Variants in DNAH3 observed in about 807,000 individuals in gnomAD.
DNAH3 encodes the protein axonemal beta dynein heavy chain 3.
Under a neutral mutation model 432.5 loss-of-function variants are expected in DNAH3, and 332 were observed. The observed-to-expected ratio is 0.77, with a 90% CI of 0.70 to 0.84. The LOEUF is 0.84. Among genes scored for constraint, DNAH3 ranks in the 40% least tolerant of loss-of-function variants. The pLI is 0.00. For synonymous variants in DNAH3, 1,956 were observed against 1,900.2 expected (o/e 1.03, Z -0.76); for missense variants, 4,861 against 5,114.0 (o/e 0.95, Z 1.51).
At chr16:21,025,875 G>A (rs113834717) in intron 38 of DNAH3, among the ~76,000 whole-genome samples, 32 of 151,840 alleles carry the variant, frequency 2.1e-4, no homozygotes, top group African/African-American at 6.5e-4. Flanking sequence ...CTGGGATTAC[G>A]GGCACCCACC....
At chr16:21,152,045 G>C (rs1391577273) in intron 1 of DNAH3, among the ~76,000 whole-genome samples, 1 of 152,038 alleles carries the variant, frequency 6.6e-6, no homozygotes, top group Non-Finnish European at 1.5e-5. Context: ...GACCAGCTTG[G>C]CCAACATAGT....
At chr16:20,964,792 T>C (rs2084979130) in exon 53 of DNAH3, 1 of 1,614,134 alleles carries the variant, frequency 6.2e-7, no homozygotes, top group Non-Finnish European at 8.5e-7. Context: ...AGGGATGACC[T>C]TGTCCTTACA....
intron 1 of DNAH3, among the ~76,000 whole-genome samples, chr16:21,156,162 CTTATTTTATTTTATTTTATTTTATT>C (rs150133557): frequency 6.9e-6 from 1 of 144,632 alleles, no homozygotes; most frequent in Non-Finnish European, 1.5e-5. Flanking sequence ...GGGAGTTATT[CTTATTTTATTTTATTTTATTTTATT>C]TTATTTTATT....
chr16:21,067,755 C>G (rs936587154), intron 23 of DNAH3, among the ~76,000 whole-genome samples: 6 of 18,060 alleles, frequency 3.3e-4, no homozygotes, highest in Admixed American at 1.8e-3. Flanking sequence ...GAAAGCCAGT[C>G]TTGGGGGGGG....
intron 1 of DNAH3, among the ~76,000 whole-genome samples, chr16:21,152,580 T>TGCAG (rs1567884862): frequency 6.6e-6 from 1 of 152,250 alleles, no homozygotes; most frequent in Non-Finnish European, 1.5e-5. Context: ...TCCCTCAGCT[T>TGCAG]GCAGGCAGGT....
At position 21,151,903 on chromosome 16, in the gene DNAH3, C is replaced by T. The variant is rs569989136; in HGVS notation, c.118-5815G>A. Among the ~76,000 whole-genome samples the T allele has an allele frequency of 3.3e-5, 5 of 152,044 alleles. No individual in the cohort carries two copies. In the South Asian group the frequency reaches 1.0e-3, roughly 32 times the overall value. Reference sequence around the variant, plus strand: ...TTTTTTCATTCAATTTCCCCCCAAACACCACGATATTCCCATTTTAAGGAT... The same window carrying T: ...TTTTTTCATTCAATTTCCCCCCAAATACCACGATATTCCCATTTTAAGGAT... On this transcript the variant is annotated intron_variant, in intron 1 of 61. Transcript: ENST00000261383.
chr16:21,098,170 T>G (rs577674408), intron 17 of DNAH3, among the ~76,000 whole-genome samples: 3 of 152,154 alleles, frequency 2.0e-5, no homozygotes, highest in Admixed American at 6.6e-5. Context: ...GAGCCAGGTG[T>G]GGTGGCTCAT....
chr16:20,992,918 C>T (rs1243689441), intron 44 of DNAH3, among the ~76,000 whole-genome samples: 5 of 152,038 alleles, frequency 3.3e-5, no homozygotes, highest in African/African-American at 9.7e-5. Flanking sequence ...CAGGCTGGAG[C>T]GTAGTGGTGT....
At chr16:21,147,064 C>T (rs61477876) in intron 1 of DNAH3, among the ~76,000 whole-genome samples, 2,725 of 152,022 alleles carry the variant, frequency 0.018, 81 homozygotes, top group African/African-American at 0.062. Context: ...CCGGCCCCTG[C>T]TTCATTTTTT....
chr16:20,993,617 A>G (rs1221633187), intron 44 of DNAH3, among the ~76,000 whole-genome samples: 1 of 152,154 alleles, frequency 6.6e-6, no homozygotes, highest in Non-Finnish European at 1.5e-5. Context: ...AAAACACTTA[A>G]AGTTGATCTA....
chr16:21,115,830 A>C (rs1201531628), intron 12 of DNAH3, among the ~76,000 whole-genome samples: 1 of 152,210 alleles, frequency 6.6e-6, no homozygotes, highest in East Asian at 1.9e-4. Context: ...CAGAGGTTTC[A>C]AATAGAATCT....
chr16:20,978,741 G>GT (rs2085716055), intron 50 of DNAH3, among the ~76,000 whole-genome samples: 1 of 152,048 alleles, frequency 6.6e-6, no homozygotes, highest in Non-Finnish European at 1.5e-5. Context: ...GGGTCTTGCT[G>GT]TGTTTCCCAG....
At chr16:21,041,903 C>T (rs1469024587) in intron 32 of DNAH3, 124 bp downstream of exon 32, 1 of 1,063,770 alleles carries the variant, frequency 9.4e-7, no homozygotes, top group Admixed American at 2.0e-5. Context: ...GAGCTCCTGA[C>T]CTCAGGTGAT....
At chr16:21,057,301 G>T (rs1229878536) in intron 27 of DNAH3, among the ~76,000 whole-genome samples, 1 of 152,128 alleles carries the variant, frequency 6.6e-6, no homozygotes, top group Non-Finnish European at 1.5e-5. Flanking sequence ...AATATTTATT[G>T]ATCATCTACT....
chr16:21,102,877 CTT>C (rs550772745), intron 16 of DNAH3, among the ~76,000 whole-genome samples: 57 of 135,198 alleles, frequency 4.2e-4, no homozygotes, highest in South Asian at 1.7e-3. Flanking sequence ...GACTATTATT[CTT>C]TTTTTTTTTT....
chr16:20,987,875 A>G (rs766561059), intron 45 of DNAH3, 26 bp from the exon 46 acceptor site: 14 of 1,614,088 alleles, frequency 8.7e-6, no homozygotes, highest in Non-Finnish European at 1.2e-5. Flanking sequence ...ATGGCACAGT[A>G]GTCAAGGAGG....
intron 1 of DNAH3, among the ~76,000 whole-genome samples, chr16:21,152,816 G>A (rs991410436): frequency 9.2e-5 from 14 of 152,246 alleles, no homozygotes; most frequent in Non-Finnish European, 1.3e-4. Context: ...TTCTCACCGG[G>A]CCTTAGCTGC....
chr16:21,000,316 T>A, exon 43 of DNAH3: 1 of 1,614,168 alleles, frequency 6.2e-7, no homozygotes, highest in Non-Finnish European at 8.5e-7. Context: ...CTGGGTCTGA[T>A]TGGCTGAGGT....
At chr16:21,126,542 T>C (rs2092450047) in intron 8 of DNAH3, among the ~76,000 whole-genome samples, 1 of 152,238 alleles carries the variant, frequency 6.6e-6, no homozygotes, top group African/African-American at 2.4e-5. Flanking sequence ...GAAACCCTTT[T>C]GCCTTGAAAT....
Sources: allele counts gnomAD v4.1 joint callset (sites outside exome capture counted in the v4.1 genomes callset), GRCh38; gene constraint gnomAD v4.1.1; transcripts MANE v1.5; gene names NCBI Gene and HGNC (gene_info 2026-07-23, HGNC 2026-07-21).